The following TUBGCP5 variants were observed in gnomAD, a reference collection of about 807,000 sequenced individuals.
TUBGCP5 encodes the protein tubulin gamma complex component 5.
In TUBGCP5, 98 loss-of-function variants were observed where a neutral mutation model predicts 134.7. That is an observed-to-expected ratio of 0.73 (90% CI 0.62 to 0.86). The LOEUF is 0.86. Among genes scored for constraint, TUBGCP5 ranks in the 40% least tolerant of loss-of-function variants. The pLI is 0.00. For synonymous variants in TUBGCP5, 456 were observed against 431.4 expected, an observed-to-expected ratio of 1.06 and a Z score of -0.71; for missense variants, 1,150 against 1,244.8, an observed-to-expected ratio of 0.92 and a Z score of 1.15.
At chr15:23,014,975 G>A (rs956437283) in intron 13 of TUBGCP5, among the ~76,000 whole-genome samples, 1 of 152,118 alleles carries the variant, frequency 6.6e-6, no homozygotes, top group South Asian at 2.1e-4. Context: ...GTAACAGCCT[G>A]TGGTCCCAAA....
Position 23,000,589 on chromosome 15 carries a change from C to G in TUBGCP5, c.3008G>C (p.Cys1003Ser). 1 of 1,612,212 alleles carries G rather than the reference C, an allele frequency of 6.2e-7. No individual in the cohort carries two copies. Among genetic ancestry groups the G allele is most frequent in the Non-Finnish European group, 8.5e-7 (1 of 1,178,866 alleles). The change falls in exon 22 of 23, where the codon TGT becomes TCT. Residue 1003 changes from cysteine to serine, a missense_variant. Around this residue, in one of 2 missense-constraint regions of TUBGCP5, gnomAD observed 697 missense variants for 850.1 expected, o/e 0.82. Coordinates refer to ENST00000615383, the MANE Select transcript of TUBGCP5 (RefSeq NM_052903.6). ...CTCACAATGGGGAAAGGATCCTCTA[C>G]AGACGGCTTTGTTTAAAATGGTTAC... ...FLVTILNKAV[C>S]RGSFPHLESL...
At chr15:23,035,045 A>C (rs1398149436) in intron 3 of TUBGCP5, among the ~76,000 whole-genome samples, 1 of 151,710 alleles carries the variant, frequency 6.6e-6, no homozygotes, top group Non-Finnish European at 1.5e-5. Flanking sequence ...GATAATAAAG[A>C]AGCTCGGCAT....
intron 23 of TUBGCP5, among the ~76,000 whole-genome samples, chr15:22,993,918 C>T (rs1310833154): frequency 1.3e-5 from 2 of 150,978 alleles, no homozygotes; most frequent in African/African-American, 2.4e-5. Flanking sequence ...TGGGCTCAAG[C>T]GATTCGCCTG....
At chr15:22,993,540 T>TTTTC (rs2063930599) in intron 23 of TUBGCP5, among the ~76,000 whole-genome samples, 2 of 135,622 alleles carry the variant, frequency 1.5e-5, no homozygotes, top group African/African-American at 5.7e-5. Flanking sequence ...TTTTTTTTTT[T>TTTTC]TTTTTTTTTT....
intron 5 of TUBGCP5, among the ~76,000 whole-genome samples, 153 bp from the exon 6 acceptor site, chr15:23,031,173 T>G (rs1038747394): frequency 2.0e-5 from 3 of 152,188 alleles, no homozygotes; most frequent in Non-Finnish European, 2.9e-5. Context: ...CTCTTGGAAG[T>G]GCCTATTATA....
rs1387058456 is a variant in TUBGCP5 at position 23,008,374 on chromosome 15, C to T, written c.2327+325G>A. ...CTCTGCCTCCCAGGTTCAAGCGATT[C>T]TCCTGCTTCAGCCTCCCAAATAGCC... On this transcript the variant is annotated intron_variant, in intron 16 of 22. Transcript: ENST00000615383. 4 of 333,844 alleles carry T rather than the reference C, an allele frequency of 1.2e-5. No homozygotes were observed. The Admixed American group carries it at 1.9e-4, about 16-fold the overall frequency. The allele number at this position is 333,844 out of a possible 1,614,324, so 20.7% of individuals were successfully genotyped here. A position where few individuals can be genotyped will look rare whatever the true frequency, so the allele number is the denominator to read the frequency against.
chr15:23,024,078 C>G lies in TUBGCP5; in HGVS notation c.1037G>C (p.Ser346Thr). 1 of 1,614,180 alleles carries G rather than the reference C, an allele frequency of 6.2e-7. No individual in the cohort carries two copies. Among genetic ancestry groups the G allele is most frequent in the Non-Finnish European group, 8.5e-7 (1 of 1,180,016 alleles). Residue 346 changes from serine to threonine, a missense_variant, in exon 10 of 23, where the codon AGT (serine) becomes ACT (threonine). Coordinates refer to ENST00000615383, the MANE Select transcript of TUBGCP5 (RefSeq NM_052903.6). ...GHSSESMLPG[S>T]GSVPKKSTEA... ...AGTTGACTTCTTAGGAACAGACCCA[C>G]TTCCAGGCAGCATGCTCTCAGAACT... is the stretch of plus-strand genomic sequence containing the variant.
Position 23,022,013 on chromosome 15 carries a change from G to C in TUBGCP5, c.1317C>G (p.Thr439=). 6.2e-7 allele frequency: 1 copy of C among 1,614,126 alleles called. No individual in the cohort carries two copies. Among genetic ancestry groups the C allele is most frequent in the Non-Finnish European group, 8.5e-7 (1 of 1,180,020 alleles). Residue 439 remains threonine (T), a synonymous_variant, in exon 11 of 23, where the codon ACC becomes ACG. Coordinates refer to ENST00000615383, the MANE Select transcript of TUBGCP5 (RefSeq NM_052903.6). The part of the protein sequence containing the change: ...NVVRASHLLN[T]LYKAILEYDN... ...CATATTCAAGAATGGCCTTGTACAGGGTGTTAAGCAGGTGAGAGGCCCGGA... is the reference window on the plus strand; with the variant it reads ...CATATTCAAGAATGGCCTTGTACAGCGTGTTAAGCAGGTGAGAGGCCCGGA...
chr15:23,039,385 C>A lies in TUBGCP5; in HGVS notation c.146+13G>T. On this transcript the variant is annotated intron_variant, in intron 1 of 22. Coordinates refer to ENST00000615383, the MANE Select transcript of TUBGCP5 (RefSeq NM_052903.6). ...CTGTGGCCGGGAACCCGCCCGCGCGCCGTGCCCCACACCTGAAGTTGGACC... is the reference window on the plus strand; with the variant it reads ...CTGTGGCCGGGAACCCGCCCGCGCGACGTGCCCCACACCTGAAGTTGGACC... 7.0e-7 allele frequency: 1 copy of A among 1,434,608 alleles called. No individual in the cohort carries two copies. Among genetic ancestry groups the A allele is most frequent in the Non-Finnish European group, 9.2e-7 (1 of 1,081,604 alleles). The allele number at this position is 1,434,608 out of a possible 1,614,324, so 88.9% of individuals were successfully genotyped here.
intron 20 of TUBGCP5, among the ~76,000 whole-genome samples, chr15:23,003,707 G>A (rs1227804220): frequency 6.8e-6 from 1 of 146,426 alleles, no homozygotes; most frequent in Non-Finnish European, 1.5e-5. Flanking sequence ...GTGGAGTGCA[G>A]TGGTGTCAGA....
chr15:23,039,283 G>A, intron 1 of TUBGCP5, 115 bp downstream of exon 1: 2 of 1,163,808 alleles, frequency 1.7e-6, no homozygotes, highest in Non-Finnish European at 2.2e-6. Context: ...CCCTGAGGCC[G>A]CGCCCGCCTC....
In TUBGCP5 at chr15:23,033,288, T is replaced by C. The variant is rs760940137; in HGVS notation, c.310-464A>G. 2.0e-5 allele frequency among the ~76,000 whole-genome samples: 3 copies of C among 152,220 alleles called. No homozygotes were observed. The East Asian group carries it at 5.8e-4, about 29-fold the overall frequency. ...AAACTTATGTTGTTTCATATTTTTT[T>C]TCCCCCCGAGATGGATTTTCGCTCT... On this transcript the variant is annotated intron_variant, in intron 3 of 22. Coordinates refer to ENST00000615383, the MANE Select transcript of TUBGCP5 (RefSeq NM_052903.6).
chr15:23,007,339 G>A (rs1021182154), intron 16 of TUBGCP5, among the ~76,000 whole-genome samples: 6 of 152,138 alleles, frequency 3.9e-5, no homozygotes, highest in African/African-American at 1.4e-4. Context: ...GCAGTGAGTC[G>A]AGATTGTGCC....
At chr15:22,994,113 A>G (rs2063959691) in intron 23 of TUBGCP5, among the ~76,000 whole-genome samples, 1 of 151,538 alleles carries the variant, frequency 6.6e-6, no homozygotes, top group Non-Finnish European at 1.5e-5. Context: ...TTTAGGATGA[A>G]GTTTTGCTCT....
At chr15:22,990,076 C>T (rs1190721038) in intron 23 of TUBGCP5, among the ~76,000 whole-genome samples, 1 of 152,156 alleles carries the variant, frequency 6.6e-6, no homozygotes, top group African/African-American at 2.4e-5. Context: ...ATTCCCTGCA[C>T]CTTTGACTAA....
intron 23 of TUBGCP5, among the ~76,000 whole-genome samples, chr15:22,990,247 C>T (rs776397750): frequency 2.0e-5 from 3 of 146,908 alleles, no homozygotes; most frequent in Non-Finnish European, 4.6e-5. Context: ...CACTCCTCCC[C>T]CTCCTCTTCC....
At chr15:23,008,984 T>TA (rs1478833536) in intron 15 of TUBGCP5, 103 bp from the exon 16 acceptor site, 1 of 836,310 alleles carries the variant, frequency 1.2e-6, no homozygotes, top group Non-Finnish European at 1.8e-6. Context: ...GGAACAAGTT[T>TA]ACATTCTACA....
At chr15:23,001,700 T>G (rs1202974705) in intron 21 of TUBGCP5, among the ~76,000 whole-genome samples, 1 of 151,662 alleles carries the variant, frequency 6.6e-6, no homozygotes, top group Non-Finnish European at 1.5e-5. Context: ...AAGAGAGAAC[T>G]TCAGAAGGGG....
intron 23 of TUBGCP5, chr15:22,983,712 GTC>G (rs1370892980): frequency 6.6e-6 from 1 of 151,954 alleles, no homozygotes; most frequent in Non-Finnish European, 1.5e-5. Context: ...GATGTAGTTC[GTC>G]TCTCTCTCAA....
Sources: gnomAD v4.1 joint callset for allele counts (sites outside exome capture counted in the v4.1 genomes callset) on GRCh38, gnomAD v4.1.1 for gene constraint, gnomAD v4.1.1 regional missense constraint, MANE v1.5 for transcripts, NCBI Gene and HGNC (gene_info 2026-07-23, HGNC 2026-07-21) for gene names.